WDFY4: variants seen among roughly 807,000 people sequenced by gnomAD.
WDFY4 encodes the protein WD repeat- and FYVE domain-containing protein 4.
WDFY4 carries 169 observed loss-of-function variants against 351.9 expected under a neutral mutation model. The ratio of observed to expected loss-of-function variants is 0.48; its 90% CI spans 0.42 to 0.55. The LOEUF (loss-of-function observed/expected upper bound fraction) is 0.55, where lower values mean the gene tolerates loss of function less well. WDFY4 is among the 20% of genes least tolerant of loss of function. WDFY4 has a pLI of 0.00. For synonymous variants in WDFY4, 1,622 were observed against 1,574.6 expected (o/e 1.03, Z -0.71); for missense variants, 3,803 against 3,935.6 (o/e 0.97, Z 0.90).
intron 1 of WDFY4, among the ~76,000 whole-genome samples, chr10:48,697,192 T>A (rs2132120786): frequency 6.6e-6 from 1 of 152,304 alleles, no homozygotes; most frequent in South Asian, 2.1e-4. Flanking sequence ...AGCTCACAGG[T>A]AACTTAGGAG....
At chr10:48,854,644 A>G (rs2069075393) in intron 39 of WDFY4, among the ~76,000 whole-genome samples, 1 of 152,222 alleles carries the variant, frequency 6.6e-6, no homozygotes. Context: ...ACTAAGAACC[A>G]AAAACTAAGG....
chr10:48,837,004 TAC>T (rs1330761884), intron 39 of WDFY4, among the ~76,000 whole-genome samples: 1 of 152,140 alleles, frequency 6.6e-6, no homozygotes, highest in East Asian at 1.9e-4. Context: ...TTTTGACAGG[TAC>T]ACCATGGCAA....
intron 1 of WDFY4, among the ~76,000 whole-genome samples, chr10:48,689,739 T>G (rs1240548860): frequency 6.6e-6 from 1 of 152,146 alleles, no homozygotes; most frequent in Non-Finnish European, 1.5e-5. Context: ...GTAGGAGAAG[T>G]GAAAAGCCAC....
Position 48,778,615 on chromosome 10 carries a change from C to T in WDFY4, c.3180C>T (p.Ala1060=), listed in dbSNP as rs2066115459. ...CATGCCTGTGTTCCCACCCAGGTGC[C>T]ACCAGACCGTTCCCTCCTCCTGGAG... ...YSVSGGIGTG[A]TRPFPPPGGL... Residue 1060 remains alanine (A), a synonymous_variant, in exon 18 of 62, where the codon GCC becomes GCT. Coordinates refer to ENST00000325239, the MANE Select transcript of WDFY4 (RefSeq NM_001394531.1). The T allele has an allele frequency of 1.9e-6, 3 of 1,550,760 alleles. No individual in the cohort carries two copies. The African/African-American group carries it at 4.1e-5, about 21-fold the overall frequency.
rs542346799 is a variant in WDFY4, at chr10:48,875,000, C to T, written c.6949-89C>T. 1.2e-4 allele frequency: 83 copies of T among 709,218 alleles called. 1 individual carries two copies. Among genetic ancestry groups the T allele is most frequent in the African/African-American group, 9.2e-4 (49 of 53,522 alleles). 43.9% of individuals were successfully genotyped at this position (709,218 alleles called of 1,614,324 possible). A position where few individuals can be genotyped will look rare whatever the true frequency, so the allele number is the denominator to read the frequency against. On this transcript the variant is annotated intron_variant, in intron 41 of 61. Coordinates refer to ENST00000325239, the MANE Select transcript of WDFY4 (RefSeq NM_001394531.1). ...AATTTGAAGGGGTCACATGCATGTG[C>T]GTGTTTGTGAATCTGTGGAATTGGA... is the stretch of plus-strand genomic sequence containing the variant.
At chr10:48,973,758 C>T (rs1195951067) in intron 57 of WDFY4, among the ~76,000 whole-genome samples, 1 of 152,158 alleles carries the variant, frequency 6.6e-6, no homozygotes, top group Non-Finnish European at 1.5e-5. Flanking sequence ...CACTTTGGCC[C>T]CTTGGGGAAG....
intron 35 of WDFY4, among the ~76,000 whole-genome samples, chr10:48,824,805 A>C (rs911922549): frequency 1.9e-4 from 29 of 152,074 alleles, no homozygotes; most frequent in Non-Finnish European, 3.1e-4. Context: ...TGCCTGGATA[A>C]ATTTTTTTTT....
rs11818741 is a variant in WDFY4, at chr10:48,721,286, G to C, written c.375G>C (p.Gln125His). 13 of 1,551,602 alleles carry C rather than the reference G, an allele frequency of 8.4e-6. No homozygotes were observed. Among genetic ancestry groups the C allele is most frequent in the Non-Finnish European group, 1.0e-5 (12 of 1,146,976 alleles). Reference sequence around the variant, plus strand: ...AGCAAGCTCGGTTGGCAGCTGGACAGTTGCTGTGGTGGAAGGGGGACGTGG... The same window carrying C: ...AGCAAGCTCGGTTGGCAGCTGGACACTTGCTGTGGTGGAAGGGGGACGTGG... ...PAEQARLAAGQLLWWKGDVDQ... is the reference protein window; with the variant it reads ...PAEQARLAAGHLLWWKGDVDQ... Residue 125 changes from glutamine (Q) to histidine (H), a missense_variant, in exon 4 of 62, where the codon CAG becomes CAC. By Grantham distance (24) the Gln-to-His change is conservative. Transcript: ENST00000325239.
chr10:48,895,559 A>C (rs1261396242), intron 44 of WDFY4, among the ~76,000 whole-genome samples: 1 of 152,198 alleles, frequency 6.6e-6, no homozygotes, highest in African/African-American at 2.4e-5. Flanking sequence ...TACACAATTT[A>C]AGATGACTAC....
intron 45 of WDFY4, among the ~76,000 whole-genome samples, chr10:48,899,295 GA>G (rs964229047): frequency 1.3e-5 from 2 of 152,136 alleles, no homozygotes; most frequent in African/African-American, 2.4e-5. Context: ...TCTATTTGTA[GA>G]AAAAAATCCA....
intron 40 of WDFY4, among the ~76,000 whole-genome samples, chr10:48,868,658 G>C (rs2069644322): frequency 6.6e-6 from 1 of 152,218 alleles, no homozygotes; most frequent in Non-Finnish European, 1.5e-5. Flanking sequence ...GATGAATCTT[G>C]TAGGATTGCA....
At chr10:48,701,400 C>A (rs75477530) in intron 1 of WDFY4, among the ~76,000 whole-genome samples, 1,890 of 152,270 alleles carry the variant, frequency 0.012, 38 homozygotes, top group African/African-American at 0.043. Flanking sequence ...GCTTGTGTCC[C>A]CACTTTCAAT....
rs185138934 is a variant in WDFY4 at position 48,866,944 on chromosome 10, A to G, written c.6664-321A>G. Among the ~76,000 whole-genome samples, 487 of 152,078 alleles carry G rather than the reference A, an allele frequency of 3.2e-3. 3 individuals carry two copies. The highest frequency in any genetic ancestry group is 0.011 in the African/African-American group (464 of 41,480). ...CCAGCACTTTGGGAGGCTGAGGCAGATGGATCACCTGAGGTCAGAAGTTCA... is the reference window on the plus strand; with the variant it reads ...CCAGCACTTTGGGAGGCTGAGGCAGGTGGATCACCTGAGGTCAGAAGTTCA... On this transcript the variant is annotated intron_variant, in intron 39 of 61. Transcript: ENST00000325239.
chr10:48,731,377 T>A lies in WDFY4; in HGVS notation c.1397T>A (p.Ile466Asn). The A allele has an allele frequency of 6.4e-7, 1 of 1,551,742 alleles. No individual in the cohort carries two copies. Among genetic ancestry groups the A allele is most frequent in the Non-Finnish European group, 8.7e-7 (1 of 1,146,998 alleles). Residue 466 changes from isoleucine to asparagine, a missense_variant, in exon 9 of 62, where the codon ATC becomes AAC. This residue lies in a region of WDFY4 where 261 missense variants were observed against 330.2 expected (regional missense o/e 0.79). Coordinates refer to ENST00000325239, the MANE Select transcript of WDFY4 (RefSeq NM_001394531.1). The part of the protein sequence containing the change: ...VFELHYVPHE[I>N]LRKVQHLIKE... ...GAGCTGCACTACGTGCCTCATGAGA[T>A]CCTGCGAAAGGTACAGCATCTGATC... is the stretch of plus-strand genomic sequence containing the variant.
At chr10:48,914,920 C>T (rs1589873509) in intron 47 of WDFY4, among the ~76,000 whole-genome samples, 2 of 152,190 alleles carry the variant, frequency 1.3e-5, no homozygotes, top group Admixed American at 6.5e-5. Context: ...TTTTCCATCT[C>T]CTGCCCATTC....
chr10:48,963,957 T>A lies in WDFY4; in HGVS notation c.8339T>A (p.Phe2780Tyr). Reference sequence around the variant, plus strand: ...GCTGTTAATATCTTCCACCCCTACTTCTACGGTGACAGAATGGACCTCAGC... The same window carrying A: ...GCTGTTAATATCTTCCACCCCTACTACTACGGTGACAGAATGGACCTCAGC... ...VDAVNIFHPY[F>Y]YGDRMDLSSI... is the part of the protein sequence containing the mutation. The change falls in exon 54 of 62, where the codon TTC (phenylalanine) becomes TAC (tyrosine). Residue 2780 changes from phenylalanine (F) to tyrosine (Y), a missense_variant. Physicochemically the swap from Phe to Tyr is conservative, Grantham distance 22. Coordinates refer to ENST00000325239, the MANE Select transcript of WDFY4 (RefSeq NM_001394531.1). The A allele has an allele frequency of 6.4e-7, 1 of 1,551,142 alleles. No homozygotes were observed. Among genetic ancestry groups the A allele is most frequent in the South Asian group, 1.2e-5 (1 of 84,022 alleles).
chr10:48,843,281 T>A (rs2068669830), intron 39 of WDFY4, among the ~76,000 whole-genome samples: 1 of 152,228 alleles, frequency 6.6e-6, no homozygotes, highest in African/African-American at 2.4e-5. Flanking sequence ...AAAGCCAGGC[T>A]GTGTTTATAT....
Position 48,816,863 on chromosome 10 carries a change from A to G in WDFY4, c.5341-382A>G, listed in dbSNP as rs141510626. Among the ~76,000 whole-genome samples the G allele has an allele frequency of 1.6e-3, 242 of 152,352 alleles. 2 individuals carry two copies. The highest frequency in any genetic ancestry group is 5.3e-3 in the African/African-American group (220 of 41,586). On this transcript the variant is annotated intron_variant, in intron 31 of 61. Coordinates refer to ENST00000325239, the MANE Select transcript of WDFY4 (RefSeq NM_001394531.1). ...ATCTAACATGTATGTATATACAACA[A>G]TAACAAAGTTACTCAGTGAGTTTGG...
intron 32 of WDFY4, among the ~76,000 whole-genome samples, chr10:48,817,921 G>A (rs924593857): frequency 1.3e-5 from 2 of 152,252 alleles, no homozygotes; most frequent in African/African-American, 4.8e-5. Flanking sequence ...CTGATTTAAG[G>A]ATGAGGTCTT....
Sources: gnomAD v4.1 joint callset for allele counts (sites outside exome capture counted in the v4.1 genomes callset) on GRCh38, gnomAD v4.1.1 for gene constraint, gnomAD v4.1.1 regional missense constraint, MANE v1.5 for transcripts, NCBI Gene and HGNC (gene_info 2026-07-23, HGNC 2026-07-21) for gene names.